The following LINGO2 variants were observed in gnomAD, a reference collection of about 807,000 sequenced individuals.
The protein encoded by LINGO2 is leucine rich repeat and Ig domain containing 2.
In LINGO2, 14 loss-of-function variants were observed where a neutral mutation model predicts 30.6. The ratio of observed to expected loss-of-function variants is 0.46; its 90% CI spans 0.30 to 0.72. LINGO2 has a LOEUF of 0.72. Among genes scored for constraint, LINGO2 ranks in the 30% least tolerant of loss-of-function variants. LINGO2 has a pLI of 0.07. For synonymous variants in LINGO2, 317 were observed against 288.5 expected, an observed-to-expected ratio of 1.10 and a Z score of -1.00; for missense variants, 729 against 751.7, an observed-to-expected ratio of 0.97 and a Z score of 0.35.
chr9:28,175,553 TA>T (rs956915860), intron 4 of LINGO2, among the ~76,000 whole-genome samples: 1 of 152,184 alleles, frequency 6.6e-6, no homozygotes. Context: ...ATCACTATTA[TA>T]GTAATTTTGT....
the LINGO2 span, among the ~76,000 whole-genome samples, chr9:28,824,599 G>T: frequency 6.6e-6 from 1 of 152,140 alleles, no homozygotes; most frequent in African/African-American, 2.4e-5. Context: ...GCAGAAAAAG[G>T]CTACAAGGCA....
In LINGO2 at chr9:28,477,129, A is replaced by G. The variant is rs780258354; in HGVS notation, c.-364-1104T>C. On this transcript the variant is annotated intron_variant, in intron 1 of 5. Coordinates refer to ENST00000379992, the Ensembl canonical transcript of LINGO2. ...TAATGAGGAAAAAAATGCTTTCTGA[A>G]AATAATTAGAATGTCAATCACTTTC... Among the ~76,000 whole-genome samples the G allele has an allele frequency of 4.6e-5, 7 of 152,208 alleles. No individual in the cohort carries two copies. The South Asian group carries it at 1.0e-3, about 23-fold the overall frequency.
chr9:28,000,686 T>C (rs986142331), intron 5 of LINGO2, among the ~76,000 whole-genome samples: 1 of 152,182 alleles, frequency 6.6e-6, no homozygotes, highest in Non-Finnish European at 1.5e-5. Context: ...GTTCTGACGT[T>C]TTTGGATTTC....
chr9:29,154,472 C>T, the LINGO2 span, among the ~76,000 whole-genome samples: 2 of 132,284 alleles, frequency 1.5e-5, no homozygotes, highest in Admixed American at 7.7e-5. Flanking sequence ...AAAAAAAAAT[C>T]TCACATTGGC....
intron 1 of LINGO2, among the ~76,000 whole-genome samples, chr9:28,627,892 G>A (rs991661399): frequency 6.6e-6 from 1 of 151,794 alleles, no homozygotes; most frequent in African/African-American, 2.4e-5. Flanking sequence ...GTTGTTATTA[G>A]GCATTAGAAA....
chr9:28,447,935 G>T (rs1251070388), intron 2 of LINGO2, among the ~76,000 whole-genome samples: 1 of 152,100 alleles, frequency 6.6e-6, no homozygotes, highest in Admixed American at 6.6e-5. Context: ...GAGGATTATG[G>T]TCATAGTGGA....
chr9:28,219,495 T>C (rs776213495), intron 4 of LINGO2, among the ~76,000 whole-genome samples: 5 of 152,214 alleles, frequency 3.3e-5, no homozygotes, highest in Non-Finnish European at 5.9e-5. Context: ...AATACATTTA[T>C]TTCTCTTGTT....
At chr9:28,108,284 G>A (rs1232144283) in intron 4 of LINGO2, among the ~76,000 whole-genome samples, 3 of 152,154 alleles carry the variant, frequency 2.0e-5, no homozygotes, top group Admixed American at 6.6e-5. Flanking sequence ...CTGGAGGAAA[G>A]AGGTGTGAGC....
intron 3 of LINGO2, among the ~76,000 whole-genome samples, chr9:28,325,746 A>G (rs1378185016): frequency 6.6e-6 from 1 of 152,062 alleles, no homozygotes; most frequent in East Asian, 1.9e-4. Context: ...TTCTTTATAA[A>G]TTACCCAGTC....
chr9:28,709,983 C>A, the LINGO2 span, among the ~76,000 whole-genome samples: 1 of 150,576 alleles, frequency 6.6e-6, no homozygotes, highest in Non-Finnish European at 1.5e-5. Context: ...TATAATCAAC[C>A]TTTTTGTGAA....
the LINGO2 span, among the ~76,000 whole-genome samples, chr9:28,938,965 A>C: frequency 6.6e-6 from 1 of 152,228 alleles, no homozygotes; most frequent in African/African-American, 2.4e-5. Context: ...TAGCAGGATA[A>C]CATGCTCTGT....
At chr9:28,992,648 AATT>A in the LINGO2 span, among the ~76,000 whole-genome samples, 1 of 152,072 alleles carries the variant, frequency 6.6e-6, no homozygotes, top group Non-Finnish European at 1.5e-5. Flanking sequence ...AAAGAACAGA[AATT>A]ATAACAAACT....
chr9:28,016,555 C>T (rs1822848069), intron 4 of LINGO2, among the ~76,000 whole-genome samples: 1 of 151,866 alleles, frequency 6.6e-6, no homozygotes, highest in South Asian at 2.1e-4. Flanking sequence ...CTATGAACAC[C>T]TCTATGCACA....
chr9:29,188,757 T>G, the LINGO2 span, among the ~76,000 whole-genome samples: 1 of 132,872 alleles, frequency 7.5e-6, no homozygotes, highest in Non-Finnish European at 1.6e-5. Context: ...GAGGGGCTCC[T>G]CACTTCCCAG....
chr9:28,867,810 T>C, the LINGO2 span, among the ~76,000 whole-genome samples: 1 of 152,132 alleles, frequency 6.6e-6, no homozygotes, highest in African/African-American at 2.4e-5. Flanking sequence ...CGTCCCAGTA[T>C]GCAACATTAC....
At chr9:28,890,575 T>C in the LINGO2 span, among the ~76,000 whole-genome samples, 1 of 152,094 alleles carries the variant, frequency 6.6e-6, no homozygotes, top group South Asian at 2.1e-4. Flanking sequence ...CAGAGGAGTT[T>C]GGAGGACAAT....
At chr9:28,229,712 T>G (rs1821292460) in intron 4 of LINGO2, among the ~76,000 whole-genome samples, 1 of 151,682 alleles carries the variant, frequency 6.6e-6, no homozygotes, top group East Asian at 1.9e-4. Flanking sequence ...AGCAGGAAAA[T>G]TTAACATATT....
At chr9:28,350,166 A>C (rs1268060180) in intron 3 of LINGO2, among the ~76,000 whole-genome samples, 1 of 146,676 alleles carries the variant, frequency 6.8e-6, no homozygotes, top group East Asian at 2.0e-4. Context: ...CTTTAAATGT[A>C]AATGGACTAA....
intron 1 of LINGO2, among the ~76,000 whole-genome samples, chr9:28,658,316 T>C (rs72715227): frequency 0.021 from 3,219 of 152,192 alleles, 67 homozygotes; most frequent in Non-Finnish European, 0.032. Flanking sequence ...GGCTGTTCTA[T>C]CCATTATTGA....
Sources: allele counts gnomAD v4.1 joint callset (sites outside exome capture counted in the v4.1 genomes callset), GRCh38; gene constraint gnomAD v4.1.1; transcripts MANE v1.5; gene names NCBI Gene and HGNC (gene_info 2026-07-23, HGNC 2026-07-21).